The following SRGAP3 variants were observed in gnomAD, a reference collection of about 807,000 sequenced individuals.
The protein encoded by SRGAP3 is SLIT-ROBO Rho GTPase-activating protein 3.
In SRGAP3, 39 loss-of-function variants were observed where a neutral mutation model predicts 121.1. That is an observed-to-expected ratio of 0.32 (90% confidence interval 0.25 to 0.42). The LOEUF (loss-of-function observed/expected upper bound fraction) is 0.42, where lower values mean the gene tolerates loss of function less well. Among genes scored for constraint, SRGAP3 ranks in the 10% least tolerant of loss-of-function variants. The probability of loss-of-function intolerance (pLI) is 1.00; values close to 1 mark genes in which losing one functional copy is unlikely to be tolerated. For missense variants in SRGAP3, 1,213 were observed against 1,470.6 expected (o/e 0.82, Z 2.86); for synonymous variants, 601 against 570.0 (o/e 1.05, Z -0.77).
intron 1 of SRGAP3, among the ~76,000 whole-genome samples, chr3:9,128,389 A>T (rs1368408195): frequency 2.0e-5 from 3 of 152,268 alleles, no homozygotes; most frequent in Non-Finnish European, 4.4e-5. Context: ...GTAGAGTTTT[A>T]AAAAAGATGA....
At chr3:9,004,855 T>G (rs1942974013) in intron 18 of SRGAP3, among the ~76,000 whole-genome samples, 1 of 152,218 alleles carries the variant, frequency 6.6e-6, no homozygotes, top group South Asian at 2.1e-4. Context: ...GAACTTGGAT[T>G]CGGCAAAGGC....
At chr3:9,259,754 C>G (rs187575042) in intron 3 of SRGAP3, among the ~76,000 whole-genome samples, 214 of 151,716 alleles carry the variant, frequency 1.4e-3, no homozygotes, top group Non-Finnish European at 2.5e-3. Flanking sequence ...TCCCAGGTGG[C>G]CATTGAGCAC....
intron 1 of SRGAP3, among the ~76,000 whole-genome samples, chr3:9,174,799 T>C (rs1951117468): frequency 6.6e-6 from 1 of 152,034 alleles, no homozygotes; most frequent in African/African-American, 2.4e-5. Flanking sequence ...TCTCATTTGA[T>C]CCTCCCGAGG....
rs779800411 is a variant in SRGAP3 at position 9,124,907 on chromosome 3, C to G, written c.78G>C (p.Thr26=). ...GACATTTGAACTGCTCCACCAGCTG[C>G]GTGCGGATCTCTGCGGGCACACAAG... The part of the protein sequence containing the change: ...EYEAQIKEIR[T]QLVEQFKCLE... Residue 26 remains threonine (T), a synonymous_variant, in exon 2 of 22, where the codon ACG becomes ACC. Coordinates refer to ENST00000383836, the MANE Select transcript of SRGAP3 (RefSeq NM_014850.4). 15 of 1,613,986 alleles carry G rather than the reference C, an allele frequency of 9.3e-6. No individual in the cohort carries two copies. Among genetic ancestry groups the G allele is most frequent in the Non-Finnish European group, 1.3e-5 (15 of 1,180,038 alleles).
intron 1 of SRGAP3, chr3:9,194,219 AG>A (rs1338270703): frequency 6.6e-6 from 1 of 152,208 alleles, no homozygotes; most frequent in Non-Finnish European, 1.5e-5. Flanking sequence ...CTTTTCCAAT[AG>A]GGTAATATGG....
intron 1 of SRGAP3, among the ~76,000 whole-genome samples, chr3:9,147,632 T>C (rs975765457): frequency 6.6e-6 from 1 of 152,086 alleles, no homozygotes; most frequent in Non-Finnish European, 1.5e-5. Flanking sequence ...CCAGGGAAGA[T>C]TCCAGGCAGA....
chr3:9,067,391 G>A lies in SRGAP3; in HGVS notation c.487-2810C>T, dbSNP rs1297490008. Among the ~76,000 whole-genome samples, 8 of 151,930 alleles carry A rather than the reference G, an allele frequency of 5.3e-5. No homozygotes were observed. The East Asian group carries it at 9.7e-4, about 18-fold the overall frequency. On this transcript the variant is annotated intron_variant, in intron 4 of 21. Transcript: ENST00000383836. ...CTTGGTGGAAAGACGGCTTCTCTGCGTTCCGTCCATTTTTGCTCATTTGCG... is the reference window on the plus strand; with the variant it reads ...CTTGGTGGAAAGACGGCTTCTCTGCATTCCGTCCATTTTTGCTCATTTGCG...
rs558774569 is a variant in SRGAP3 at position 9,328,930 on chromosome 3, A to G, written n.283+1598T>C. Among the ~76,000 whole-genome samples the G allele has an allele frequency of 4.6e-4, 70 of 152,338 alleles. 1 individual carries two copies. The South Asian group carries it at 0.014, about 30-fold the overall frequency. On this transcript the variant is annotated intron_variant and non_coding_transcript_variant, in intron 2 of 3. Transcript: ENST00000490889. ...CCTGTTCTCTGGAAGGCGGAGACCAAGAGAAAGTACTGCCACAAGCTTACA... is the reference window on the plus strand; with the variant it reads ...CCTGTTCTCTGGAAGGCGGAGACCAGGAGAAAGTACTGCCACAAGCTTACA...
At chr3:9,256,327 T>C (rs1013532726) in intron 3 of SRGAP3, among the ~76,000 whole-genome samples, 2 of 152,190 alleles carry the variant, frequency 1.3e-5, no homozygotes, top group Non-Finnish European at 2.9e-5. Context: ...AAGTAAAGAC[T>C]TCAAACACCC....
intron 1 of SRGAP3, among the ~76,000 whole-genome samples, chr3:9,222,642 T>C (rs1952852660): frequency 6.6e-6 from 1 of 152,240 alleles, no homozygotes; most frequent in Admixed American, 6.5e-5. Flanking sequence ...CATCTTCTGT[T>C]AAGTGCTTTG....
intron 3 of SRGAP3, among the ~76,000 whole-genome samples, chr3:9,286,234 T>C (rs555700831): frequency 1.3e-5 from 2 of 152,288 alleles, no homozygotes; most frequent in South Asian, 4.1e-4. Flanking sequence ...TAGATCTGTA[T>C]ACTTTCTTCT....
At chr3:9,123,747 T>TGTGTGTGTGTGTGC in intron 2 of SRGAP3, among the ~76,000 whole-genome samples, 1 of 149,782 alleles carries the variant, frequency 6.7e-6, no homozygotes, top group African/African-American at 2.5e-5. Context: ...TGTGTGTGTG[T>TGTGTGTGTGTGTGC]GTGTGTGTAT....
At chr3:9,093,116 G>C (rs575402358) in intron 3 of SRGAP3, among the ~76,000 whole-genome samples, 7 of 152,182 alleles carry the variant, frequency 4.6e-5, no homozygotes, top group Admixed American at 4.6e-4. Context: ...GTTTTGAGAG[G>C]CTTTCTCCCT....
At chr3:9,202,783 C>T (rs1952112753) in intron 1 of SRGAP3, among the ~76,000 whole-genome samples, 1 of 152,252 alleles carries the variant, frequency 6.6e-6, no homozygotes, top group Non-Finnish European at 1.5e-5. Flanking sequence ...AGTCCATGCC[C>T]CATGCCAGGA....
At chr3:9,149,733 T>C (rs1950149262) in intron 1 of SRGAP3, among the ~76,000 whole-genome samples, 1 of 152,200 alleles carries the variant, frequency 6.6e-6, no homozygotes, top group Non-Finnish European at 1.5e-5. Flanking sequence ...CCAGCCAAGT[T>C]CAACAGAACT....
At chr3:9,079,963 A>G in intron 4 of SRGAP3, 62 bp downstream of exon 4, 1 of 1,591,672 alleles carries the variant, frequency 6.3e-7, no homozygotes. Flanking sequence ...GCTTCCCTCC[A>G]GCTCTGGTGA....
intron 1 of SRGAP3, among the ~76,000 whole-genome samples, chr3:9,246,114 G>GA (rs1295044943): frequency 6.6e-6 from 1 of 152,030 alleles, no homozygotes; most frequent in African/African-American, 2.4e-5. Flanking sequence ...TTTTACAATA[G>GA]AAAAAATACT....
chr3:9,044,703 A>G lies in SRGAP3; in HGVS notation c.1408+2688T>C, dbSNP rs117704094. On this transcript the variant is annotated intron_variant, in intron 10 of 21. Coordinates refer to ENST00000383836, the MANE Select transcript of SRGAP3 (RefSeq NM_014850.4). The stretch of plus-strand genomic sequence containing the variant: ...ACTGACGCAGCTGTAACGCTACCCT[A>G]CTCTTAGAAGAGAATCCTACTGAAT... Among the ~76,000 whole-genome samples the G allele has an allele frequency of 3.0e-3, 463 of 152,184 alleles. 16 individuals are homozygous for G. The East Asian group carries it at 0.074, about 24-fold the overall frequency.
chr3:9,017,634 T>G (rs778388492), intron 14 of SRGAP3, among the ~76,000 whole-genome samples: 12 of 152,178 alleles, frequency 7.9e-5, no homozygotes, highest in Non-Finnish European at 1.2e-4. Flanking sequence ...AAGATTCCTT[T>G]TGGGGAGGAT....
Sources: gnomAD v4.1 joint callset for allele counts (sites outside exome capture counted in the v4.1 genomes callset) on GRCh38, gnomAD v4.1.1 for gene constraint, MANE v1.5 for transcripts, NCBI Gene and HGNC (gene_info 2026-07-23, HGNC 2026-07-21) for gene names.